Variants in LRP1B observed in about 807,000 individuals in gnomAD.
The protein encoded by LRP1B is LDL receptor related protein 1B.
In LRP1B, 217 loss-of-function variants were observed where a neutral mutation model predicts 556.6. That is an observed-to-expected ratio of 0.39 (90% confidence interval 0.35 to 0.44). The LOEUF (loss-of-function observed/expected upper bound fraction) is 0.44. LRP1B is among the 20% of genes least tolerant of loss of function. The pLI is 1.00. For missense variants in LRP1B, 5,053 were observed against 5,620.8 expected (o/e 0.90, Z 3.23); for synonymous variants, 2,047 against 1,865.8 (o/e 1.10, Z -2.50).
At chr2:141,822,130 C>CACACACACACACAGAG (rs374369026) in intron 1 of LRP1B, among the ~76,000 whole-genome samples, 1 of 95,864 alleles carries the variant, frequency 1.0e-5, no homozygotes, top group African/African-American at 4.5e-5. Context: ...CACACACACA[C>CACACACACACACAGAG]AGAGAGAGAG....
At chr2:140,398,761 G>A (rs1684364928) in intron 66 of LRP1B, among the ~76,000 whole-genome samples, 1 of 151,906 alleles carries the variant, frequency 6.6e-6, no homozygotes, top group African/African-American at 2.4e-5. Flanking sequence ...TTGAATTCCA[G>A]GAAGAACAAA....
chr2:141,937,856 T>A (rs538193401), intron 1 of LRP1B, among the ~76,000 whole-genome samples: 157 of 152,292 alleles, frequency 1.0e-3, no homozygotes, highest in Non-Finnish European at 1.9e-3. Context: ...CCACTTTGTG[T>A]TGATTTTTGT....
At chr2:141,357,745 G>C (rs866268961) in intron 3 of LRP1B, among the ~76,000 whole-genome samples, 1 of 152,152 alleles carries the variant, frequency 6.6e-6, no homozygotes, top group South Asian at 2.1e-4. Context: ...GGGGATTTAT[G>C]GAATATTTGT....
chr2:141,871,927 C>T (rs1294477291), intron 1 of LRP1B, among the ~76,000 whole-genome samples: 1 of 151,858 alleles, frequency 6.6e-6, no homozygotes, highest in Non-Finnish European at 1.5e-5. Flanking sequence ...GAAATATACC[C>T]TAACTGAAAG....
chr2:141,518,825 C>T (rs143498389), intron 2 of LRP1B, among the ~76,000 whole-genome samples: 4,569 of 152,224 alleles, frequency 0.03, 138 homozygotes, highest in South Asian at 0.12. Context: ...TGGCGGGCGC[C>T]TGTAATCCCA....
chr2:141,511,428 C>T (rs16846362), intron 2 of LRP1B, among the ~76,000 whole-genome samples: 22,000 of 152,040 alleles, frequency 0.14, 1,734 homozygotes, highest in African/African-American at 0.18. Flanking sequence ...TGTTTGAAAT[C>T]AGTAGCAGCT....
chr2:142,038,346 G>A (rs954217047), intron 1 of LRP1B, among the ~76,000 whole-genome samples: 3 of 151,566 alleles, frequency 2.0e-5, no homozygotes, highest in Non-Finnish European at 3.0e-5. Context: ...GACTAAAGAT[G>A]CAACAAGAAA....
chr2:140,646,017 T>C (rs1226533702), intron 41 of LRP1B, among the ~76,000 whole-genome samples: 1 of 152,152 alleles, frequency 6.6e-6, no homozygotes, highest in Non-Finnish European at 1.5e-5. Context: ...AGAGTTTAGA[T>C]AGACTCCAAT....
At chr2:141,601,635 CTTCCTTCCT>C (rs753839829) in intron 2 of LRP1B, among the ~76,000 whole-genome samples, 4 of 141,246 alleles carry the variant, frequency 2.8e-5, no homozygotes, top group Non-Finnish European at 6.4e-5. Context: ...TCCTTCCTTC[CTTCCTTCCT>C]TTTTTTTTCC....
chr2:141,754,006 C>T (rs1381778537), intron 2 of LRP1B, among the ~76,000 whole-genome samples: 1 of 152,110 alleles, frequency 6.6e-6, no homozygotes, highest in East Asian at 1.9e-4. Flanking sequence ...TTCCCCATAC[C>T]AGGTCATAGC....
intron 80 of LRP1B, 27 bp from the exon 81 acceptor site, chr2:140,324,093 A>C: frequency 6.8e-7 from 1 of 1,473,242 alleles, no homozygotes; most frequent in Non-Finnish European, 9.5e-7. Flanking sequence ...GCAGTTATGA[A>C]AGTTTTAATG....
chr2:141,298,246 G>A (rs1358692881), intron 3 of LRP1B, among the ~76,000 whole-genome samples: 1 of 152,134 alleles, frequency 6.6e-6, no homozygotes, highest in African/African-American at 2.4e-5. Context: ...ATGTGGCCTT[G>A]CCCAAAGAAA....
chr2:140,409,166 T>C (rs976479116), intron 66 of LRP1B, among the ~76,000 whole-genome samples: 1 of 151,990 alleles, frequency 6.6e-6, no homozygotes, highest in African/African-American at 2.4e-5. Context: ...ATGAATTCAT[T>C]GGCCTGTATA....
rs143220595 is a variant in LRP1B, at chr2:141,383,533, T to C, written c.343+96863A>G. ...TGCTCCTCAATTTATGATGTGATTA[T>C]GTCCTGAAGAAACCATTGTAAGTAG... On this transcript the variant is annotated intron_variant, in intron 3 of 90. Coordinates refer to ENST00000389484, the MANE Select transcript of LRP1B (RefSeq NM_018557.3). 8.6e-3 allele frequency among the ~76,000 whole-genome samples: 1,304 copies of C among 152,306 alleles called. 20 individuals are homozygous for C. The highest frequency in any genetic ancestry group is 0.028 in the African/African-American group (1,172 of 41,578).
chr2:141,940,439 A>G (rs1269561708), intron 1 of LRP1B, among the ~76,000 whole-genome samples: 3 of 152,190 alleles, frequency 2.0e-5, no homozygotes, highest in African/African-American at 7.2e-5. Context: ...TGAAATGCTG[A>G]TAACTATTCA....
At chr2:140,414,845 A>C (rs964982033) in intron 66 of LRP1B, among the ~76,000 whole-genome samples, 1 of 152,184 alleles carries the variant, frequency 6.6e-6, no homozygotes, top group African/African-American at 2.4e-5. Flanking sequence ...AGGGAAGACA[A>C]CCATAAGGTC....
intron 41 of LRP1B, among the ~76,000 whole-genome samples, chr2:140,670,896 A>C (rs1685456338): frequency 6.6e-6 from 1 of 152,222 alleles, no homozygotes; most frequent in South Asian, 2.1e-4. Flanking sequence ...AGATGCAGAA[A>C]CTGAAAATGT....
chr2:140,425,086 GC>G (rs1390075052), intron 66 of LRP1B, among the ~76,000 whole-genome samples: 1 of 149,672 alleles, frequency 6.7e-6, no homozygotes, highest in Non-Finnish European at 1.5e-5. Context: ...GTTTAGAATT[GC>G]CATTGGCAGG....
chr2:142,044,747 G>C (rs981107413), intron 1 of LRP1B, among the ~76,000 whole-genome samples: 1 of 151,168 alleles, frequency 6.6e-6, no homozygotes, highest in South Asian at 2.1e-4. Context: ...GGGGCATTCT[G>C]ATACAGAAGC....
Sources: allele counts gnomAD v4.1 joint callset (sites outside exome capture counted in the v4.1 genomes callset), GRCh38; gene constraint gnomAD v4.1.1; transcripts MANE v1.5; gene names NCBI Gene and HGNC (gene_info 2026-07-23, HGNC 2026-07-21).